Variants in DOCK2 observed in about 807,000 individuals in gnomAD.
DOCK2 encodes the protein dedicator of cytokinesis protein 2.
Under a neutral mutation model 248.9 loss-of-function variants are expected in DOCK2, and 87 were observed. The observed-to-expected ratio is 0.35, with a 90% confidence interval of 0.29 to 0.42. The LOEUF (loss-of-function observed/expected upper bound fraction) is 0.42. Ranked by LOEUF, DOCK2 falls within the 10% of genes least tolerant of loss-of-function variation. The pLI is 1.00. For synonymous variants in DOCK2, 805 were observed against 821.6 expected (o/e 0.98, Z 0.35); for missense variants, 1,747 against 2,300.2 (o/e 0.76, Z 4.92).
intron 27 of DOCK2, among the ~76,000 whole-genome samples, chr5:169,860,467 T>C (rs758431803): frequency 6.6e-5 from 10 of 152,120 alleles, no homozygotes; most frequent in Non-Finnish European, 8.8e-5. Flanking sequence ...AGGCAGGGGG[T>C]ATATCAGAGG....
intron 44 of DOCK2, among the ~76,000 whole-genome samples, chr5:170,059,558 C>T (rs1307398022): frequency 2.6e-5 from 4 of 152,138 alleles, no homozygotes; most frequent in African/African-American, 9.7e-5. Context: ...TAATAGCCTA[C>T]ATAATTTTCT....
At chr5:169,691,944 C>G (rs765174425) in intron 9 of DOCK2, among the ~76,000 whole-genome samples, 2 of 151,916 alleles carry the variant, frequency 1.3e-5, no homozygotes, top group South Asian at 2.1e-4. Flanking sequence ...CAACCTCCAC[C>G]TCCTGGGTTC....
At chr5:169,851,437 C>T (rs1156456946) in intron 27 of DOCK2, among the ~76,000 whole-genome samples, 1 of 152,074 alleles carries the variant, frequency 6.6e-6, no homozygotes, top group Non-Finnish European at 1.5e-5. Flanking sequence ...TATGAGGTTC[C>T]TTGATTTGTT....
At position 169,826,526 on chromosome 5, in the gene DOCK2, G is replaced by T. The variant is rs529758433; in HGVS notation, c.2704-14231G>T. Reference sequence around the variant, plus strand: ...CTGAAGAAGATGCCTGTAGTCCAAGGTAAAGGTATGGTGAATTCTGTTACC... The same window carrying T: ...CTGAAGAAGATGCCTGTAGTCCAAGTTAAAGGTATGGTGAATTCTGTTACC... On this transcript the variant is annotated intron_variant, in intron 26 of 51. Transcript: ENST00000520908. Among the ~76,000 whole-genome samples the T allele has an allele frequency of 1.8e-4, 27 of 152,202 alleles. No individual in the cohort carries two copies. In the South Asian group the frequency reaches 5.2e-3, roughly 29 times the overall value.
chr5:169,854,116 C>T (rs1471195322), intron 27 of DOCK2, among the ~76,000 whole-genome samples: 3 of 151,546 alleles, frequency 2.0e-5, no homozygotes, highest in African/African-American at 4.9e-5. Flanking sequence ...AGCCACTGCA[C>T]CCAGCCAAAA....
chr5:170,023,451 G>A (rs1755799765), intron 33 of DOCK2, among the ~76,000 whole-genome samples: 1 of 152,220 alleles, frequency 6.6e-6, no homozygotes, highest in South Asian at 2.1e-4. Flanking sequence ...TGCGTTCTCG[G>A]TACTGTTGTT....
chr5:169,792,873 G>T (rs1246048422), intron 25 of DOCK2, among the ~76,000 whole-genome samples: 1 of 152,162 alleles, frequency 6.6e-6, no homozygotes, highest in East Asian at 1.9e-4. Context: ...TAAGGAGCTG[G>T]ATTGGCTTTT....
chr5:170,002,652 C>T (rs1444628331), intron 30 of DOCK2, among the ~76,000 whole-genome samples: 1 of 152,208 alleles, frequency 6.6e-6, no homozygotes, highest in African/African-American at 2.4e-5. Context: ...ATTATACCCA[C>T]TAGCAGTATG....
intron 22 of DOCK2, among the ~76,000 whole-genome samples, chr5:169,736,424 C>A (rs1763047260): frequency 6.6e-6 from 1 of 152,170 alleles, no homozygotes; most frequent in Non-Finnish European, 1.5e-5. Flanking sequence ...ATGTAATATT[C>A]TAGTGCCTCT....
rs1036228381 is a variant in DOCK2, at chr5:170,083,335, G to A, written c.*477G>A. 2.0e-5 allele frequency: 3 copies of A among 152,970 alleles called. No homozygotes were observed. The highest frequency in any genetic ancestry group is 7.2e-5 in the African/African-American group (3 of 41,410). The allele number at this position is 152,970 out of a possible 1,614,324, so 9.5% of individuals were successfully genotyped here. ...TTTTCTAGCCAATCATCTCTGAAGA[G>A]TTGCTGTTTCTTACTGACAATAAAA... On this transcript the variant is annotated 3_prime_UTR_variant, in exon 52 of 52. Transcript: ENST00000520908.
chr5:169,914,664 CT>C (rs1774780524), intron 27 of DOCK2, among the ~76,000 whole-genome samples: 1 of 152,204 alleles, frequency 6.6e-6, no homozygotes, highest in South Asian at 2.1e-4. Flanking sequence ...TTTCTGGCAT[CT>C]TAGTAGTAAC....
chr5:169,853,929 G>A (rs1450790402), intron 27 of DOCK2, among the ~76,000 whole-genome samples: 5 of 129,996 alleles, frequency 3.8e-5, no homozygotes, highest in Non-Finnish European at 6.2e-5. Context: ...TCTGCCTCCC[G>A]GGTTCACACC....
intron 1 of DOCK2, among the ~76,000 whole-genome samples, chr5:169,637,889 T>G (rs534878125): frequency 6.6e-6 from 1 of 152,134 alleles, no homozygotes; most frequent in African/African-American, 2.4e-5. Flanking sequence ...GGAATGGGGC[T>G]GGACGGTGGG....
intron 26 of DOCK2, among the ~76,000 whole-genome samples, chr5:169,819,812 C>G (rs149524104): frequency 6.6e-6 from 1 of 152,190 alleles, no homozygotes; most frequent in South Asian, 2.1e-4. Context: ...TGCGCTGAGG[C>G]GGGGTGAGGC....
At chr5:170,067,426 C>T in intron 44 of DOCK2, 84 bp from the exon 45 acceptor site, 1 of 1,419,706 alleles carries the variant, frequency 7.0e-7, no homozygotes, top group East Asian at 2.3e-5. Flanking sequence ...AATTCCCACC[C>T]CAAGTGAAAT....
chr5:169,829,225 C>T (rs145072632), intron 26 of DOCK2, among the ~76,000 whole-genome samples: 1 of 152,136 alleles, frequency 6.6e-6, no homozygotes, highest in African/African-American at 2.4e-5. Flanking sequence ...TTTTCATCAC[C>T]ACGGAGTCCT....
chr5:170,073,655 TA>T (rs1461629317), intron 46 of DOCK2, among the ~76,000 whole-genome samples: 3 of 152,198 alleles, frequency 2.0e-5, no homozygotes, highest in Non-Finnish European at 2.9e-5. Context: ...TCATATATCT[TA>T]TTAGATCTGC....
intron 26 of DOCK2, among the ~76,000 whole-genome samples, chr5:169,815,300 C>G (rs1767995881): frequency 6.6e-6 from 1 of 152,190 alleles, no homozygotes; most frequent in Non-Finnish European, 1.5e-5. Context: ...ACTAGACCTC[C>G]CCCTAGTAAA....
intron 3 of DOCK2, among the ~76,000 whole-genome samples, chr5:169,670,157 A>G (rs1217418816): frequency 6.6e-6 from 1 of 152,192 alleles, no homozygotes; most frequent in Non-Finnish European, 1.5e-5. Flanking sequence ...CGGGCAGGCA[A>G]TGGGAGAAGC....
Sources: allele counts gnomAD v4.1 joint callset (sites outside exome capture counted in the v4.1 genomes callset), GRCh38; gene constraint gnomAD v4.1.1; transcripts MANE v1.5; gene names NCBI Gene and HGNC (gene_info 2026-07-23, HGNC 2026-07-21).